Variants in RUBCNL observed in about 807,000 individuals in gnomAD.
RUBCNL encodes the protein protein associated with UVRAG as autophagy enhancer.
In RUBCNL, 62 loss-of-function variants were observed where a neutral mutation model predicts 69.5. That is an observed-to-expected ratio of 0.89 (90% confidence interval 0.73 to 1.10). The LOEUF is 1.10. Among genes scored for constraint, RUBCNL ranks in the 50% least tolerant of loss-of-function variants. RUBCNL has a pLI of 0.00. For synonymous variants in RUBCNL, 291 were observed against 303.6 expected, an observed-to-expected ratio of 0.96 and a Z score of 0.43; for missense variants, 768 against 798.1, an observed-to-expected ratio of 0.96 and a Z score of 0.45.
At chr13:46,364,259 T>TCAC (rs961407236) in intron 5 of RUBCNL, among the ~76,000 whole-genome samples, 4 of 151,830 alleles carry the variant, frequency 2.6e-5, no homozygotes, top group African/African-American at 9.7e-5. Context: ...TAGCCAGGTG[T>TCAC]GGTGGCAGGT....
chr13:46,375,597 G>A (rs1017137381), intron 2 of RUBCNL, among the ~76,000 whole-genome samples: 1 of 152,040 alleles, frequency 6.6e-6, no homozygotes, highest in South Asian at 2.1e-4. Context: ...CTATTAATGG[G>A]GCAGAATTAC....
chr13:46,354,576 C>A (rs1241462745), intron 10 of RUBCNL, among the ~76,000 whole-genome samples: 1 of 152,212 alleles, frequency 6.6e-6, no homozygotes, highest in African/African-American at 2.4e-5. Context: ...TCTGGCCACA[C>A]AGGGTTTCTT....
Position 46,363,206 on chromosome 13 carries a change from A to G in RUBCNL, c.834T>C (p.Ala278=). Residue 278 remains alanine, a synonymous_variant, in exon 6 of 15, where the codon GCT becomes GCC. Transcript: ENST00000429979. ...TSSYSGYEGC[A]VLQVSPVTET... ...CAGTCACTGGGCTGACCTGTAACACAGCACAACCTAGACAAAGAAAGGAAG... is the reference window on the plus strand; with the variant it reads ...CAGTCACTGGGCTGACCTGTAACACGGCACAACCTAGACAAAGAAAGGAAG... 1 of 1,543,756 alleles carries G rather than the reference A, an allele frequency of 6.5e-7. No homozygotes were observed. The highest frequency in any genetic ancestry group is 8.8e-7 in the Non-Finnish European group (1 of 1,141,784).
At chr13:46,365,375 C>CA (rs1393384551) in intron 5 of RUBCNL, among the ~76,000 whole-genome samples, 2 of 149,456 alleles carry the variant, frequency 1.3e-5, no homozygotes, top group Admixed American at 1.3e-4. Flanking sequence ...CGTACACACA[C>CA]AAAAAACACA....
intron 12 of RUBCNL, among the ~76,000 whole-genome samples, chr13:46,347,495 A>G (rs1955127114): frequency 6.6e-6 from 1 of 152,204 alleles, no homozygotes; most frequent in African/African-American, 2.4e-5. Flanking sequence ...TTCCAAAAGT[A>G]CAATTTTTGA....
rs200944703 is a variant in RUBCNL at position 46,335,257 on chromosome 13, G to T, written c.*8128C>A. On this transcript the variant is annotated 3_prime_UTR_variant, in exon 15 of 15. Transcript: ENST00000429979. ...TTTGTGTCTTTTTGTTGTTGTTGTT[G>T]TTGTTTTTTTTTTTTTTTTTTTTTT... Among the ~76,000 whole-genome samples the T allele has an allele frequency of 6.1e-3, 600 of 98,468 alleles. 9 individuals are homozygous for T. The highest frequency in any genetic ancestry group is 0.023 in the African/African-American group (581 of 25,202). 64.6% of individuals were successfully genotyped at this position (98,468 alleles called of 152,430 possible).
upstream of RUBCNL, chr13:46,387,424 C>A (rs1015125707): frequency 2.0e-6 from 2 of 985,398 alleles, no homozygotes; most frequent in Non-Finnish European, 2.4e-6. Context: ...GAGATGCGCG[C>A]TCCTACACCG....
Position 46,345,446 on chromosome 13 carries a change from C to A in RUBCNL, c.1785+1G>T. The A allele has an allele frequency of 6.4e-7, 1 of 1,556,890 alleles. No individual in the cohort carries two copies. Among genetic ancestry groups the A allele is most frequent in the South Asian group, 1.2e-5 (1 of 84,380 alleles). ...CGAATCTGCTCTGGGTGCACCCTCA[C>A]CTCACAGCCAGCCACATGTGCAAGG... On this transcript the variant is annotated splice_donor_variant, in intron 13 of 14. Transcript: ENST00000429979. LOFTEE classifies it high-confidence loss of function.
At position 46,372,115 on chromosome 13, in the gene RUBCNL, T is replaced by C; in HGVS notation, c.361A>G (p.Ser121Gly). 1 of 1,613,968 alleles carries C rather than the reference T, an allele frequency of 6.2e-7. No individual in the cohort carries two copies. Among genetic ancestry groups the C allele is most frequent in the Non-Finnish European group, 8.5e-7 (1 of 1,179,878 alleles). ...SVGSASPHGS[S>G]EKSSSFSLSS... ...AGAGAGAAGCTGCTACTCTTTTCAC[T>C]CGAGCCATGGGGAGAAGCGCTGCCA... The change falls in exon 3 of 15, where the codon AGT becomes GGT. Residue 121 changes from serine to glycine, a missense_variant. Ser to Gly is a moderately conservative substitution (Grantham distance 56). Coordinates refer to ENST00000429979, the MANE Select transcript of RUBCNL (RefSeq NM_025113.5).
At chr13:46,368,549 T>C in intron 4 of RUBCNL, 184 bp downstream of exon 4, 2 of 961,300 alleles carry the variant, frequency 2.1e-6, no homozygotes, top group Non-Finnish European at 2.5e-6. Context: ...ACTTTCCAGC[T>C]GAGCACAGGC....
At position 46,363,093 on chromosome 13, in the gene RUBCNL, CCAAA is replaced by C; in HGVS notation, c.925+18_925+21del. On this transcript the variant is annotated intron_variant, in intron 6 of 14. Transcript: ENST00000429979. Reference sequence around the variant, plus strand: ...GGATTGGGGAGGCAGCCAGTCACATCCAAACAGTTTCCAAATCTTACCTAAAATA... The same window carrying C: ...GGATTGGGGAGGCAGCCAGTCACATCCAGTTTCCAAATCTTACCTAAAATA... 1 of 1,510,780 alleles carries C rather than the reference CCAAA, an allele frequency of 6.6e-7. No individual in the cohort carries two copies. Among genetic ancestry groups the C allele is most frequent in the Non-Finnish European group, 9.1e-7 (1 of 1,097,904 alleles). 93.6% of individuals were successfully genotyped at this position (1,510,780 alleles called of 1,614,324 possible).
chr13:46,360,951 C>T (rs747404494), intron 8 of RUBCNL, among the ~76,000 whole-genome samples: 7 of 152,142 alleles, frequency 4.6e-5, no homozygotes, highest in African/African-American at 1.4e-4. Context: ...TGGCCGGGCA[C>T]GGTGGCTCAG....
At chr13:46,388,432 G>A (rs199743266), upstream of RUBCNL, among the ~76,000 whole-genome samples, 1 of 147,468 alleles carries the variant, frequency 6.8e-6, no homozygotes, top group Non-Finnish European at 1.5e-5. Flanking sequence ...CCTAAGCCCA[G>A]GAAGGAAGGA....
intron 2 of RUBCNL, among the ~76,000 whole-genome samples, chr13:46,375,143 C>T (rs886662362): frequency 1.2e-4 from 18 of 152,096 alleles, no homozygotes; most frequent in Non-Finnish European, 2.1e-4. Context: ...TGTTCCCTGC[C>T]GGGTAGCATG....
intron 10 of RUBCNL, among the ~76,000 whole-genome samples, chr13:46,355,294 C>CTTT (rs34432929): frequency 6.3e-5 from 8 of 126,474 alleles, no homozygotes; most frequent in South Asian, 5.0e-4. Context: ...AAAGCCCGAG[C>CTTT]TTTTTTTTTT....
chr13:46,347,774 G>A (rs931633265), intron 12 of RUBCNL, among the ~76,000 whole-genome samples: 14 of 152,220 alleles, frequency 9.2e-5, no homozygotes, highest in African/African-American at 2.6e-4. Flanking sequence ...GGCAGATCAC[G>A]AGGTCAGGAG....
intron 2 of RUBCNL, among the ~76,000 whole-genome samples, chr13:46,375,244 G>C (rs1423514125): frequency 2.6e-5 from 4 of 152,046 alleles, no homozygotes; most frequent in Non-Finnish European, 1.5e-5. Flanking sequence ...TTAAGAGCTA[G>C]AGAAAAGACC....
chr13:46,344,209 A>T (rs2048193499), intron 14 of RUBCNL, among the ~76,000 whole-genome samples: 1 of 152,220 alleles, frequency 6.6e-6, no homozygotes, highest in African/African-American at 2.4e-5. Context: ...ATATGCCCCT[A>T]TCAAGGGTGA....
intron 5 of RUBCNL, among the ~76,000 whole-genome samples, chr13:46,366,194 T>G (rs1305691384): frequency 6.6e-6 from 1 of 152,208 alleles, no homozygotes; most frequent in Non-Finnish European, 1.5e-5. Flanking sequence ...CATATCAGAT[T>G]TCCCCGCCCC....
Sources: allele counts gnomAD v4.1 joint callset (sites outside exome capture counted in the v4.1 genomes callset), GRCh38; gene constraint gnomAD v4.1.1; transcripts MANE v1.5; gene names NCBI Gene and HGNC (gene_info 2026-07-23, HGNC 2026-07-21).